The following SGCG variants were observed in gnomAD, a reference collection of about 807,000 sequenced individuals.
SGCG encodes gamma-sarcoglycan.
Under a neutral mutation model 29.3 loss-of-function variants are expected in SGCG, and 26 were observed. That is an observed-to-expected ratio of 0.89 (90% CI 0.65 to 1.23). SGCG has a LOEUF of 1.23. Ranked by LOEUF, SGCG falls within the 50% of genes most tolerant of loss-of-function variation. The probability of loss-of-function intolerance (pLI) is 0.00; values close to 1 mark genes in which losing one functional copy is unlikely to be tolerated. For missense variants in SGCG, 353 were observed against 356.0 expected (o/e 0.99, Z 0.07); for synonymous variants, 145 against 129.7 (o/e 1.12, Z -0.80).
intron 6 of SGCG, among the ~76,000 whole-genome samples, chr13:23,296,761 A>T (rs543067342): frequency 2.0e-5 from 3 of 152,160 alleles, no homozygotes; most frequent in Admixed American, 6.5e-5. Flanking sequence ...TACCCTGAAT[A>T]TATAAAAATC....
In SGCG at chr13:23,198,952, C is replaced by T. The variant is rs568893779; in HGVS notation, c.1-4743C>T. ...TGAAACCCCGTCTCTACTAAAAATACAAAAAATTAGCGGGGCGTGGTGGCG... is the reference window on the plus strand; with the variant it reads ...TGAAACCCCGTCTCTACTAAAAATATAAAAAATTAGCGGGGCGTGGTGGCG... On this transcript the variant is annotated intron_variant, in intron 1 of 7. Transcript: ENST00000218867. 1.7e-3 allele frequency among the ~76,000 whole-genome samples: 248 copies of T among 148,294 alleles called. 1 individual carries two copies. Among genetic ancestry groups the T allele is most frequent in the African/African-American group, 6.0e-3 (239 of 40,092 alleles).
At chr13:23,175,684 T>C in the SGCG span, among the ~76,000 whole-genome samples, 1 of 152,172 alleles carries the variant, frequency 6.6e-6, no homozygotes, top group Admixed American at 6.5e-5. Flanking sequence ...CATATGAATT[T>C]CTCCCCTCTA....
At chr13:23,194,455 T>A (rs1185857228) in intron 1 of SGCG, among the ~76,000 whole-genome samples, 1 of 152,098 alleles carries the variant, frequency 6.6e-6, no homozygotes, top group Non-Finnish European at 1.5e-5. Context: ...TCTCAAATGA[T>A]GTTGTTAGGA....
At chr13:23,224,471 A>G in intron 2 of SGCG, among the ~76,000 whole-genome samples, 1 of 152,194 alleles carries the variant, frequency 6.6e-6, no homozygotes, top group East Asian at 1.9e-4. Context: ...CTAGACACGC[A>G]TAATACAGAG....
At chr13:23,224,697 G>A (rs970742612) in intron 2 of SGCG, among the ~76,000 whole-genome samples, 3 of 89,356 alleles carry the variant, frequency 3.4e-5, no homozygotes, top group African/African-American at 1.3e-4. Context: ...ACCAGTGCAA[G>A]CACTGCTAAC....
intron 1 of SGCG, among the ~76,000 whole-genome samples, chr13:23,186,238 G>C (rs1876966749): frequency 6.6e-6 from 1 of 152,174 alleles, no homozygotes; most frequent in Admixed American, 6.5e-5. Flanking sequence ...TGCACTTGTG[G>C]TTCACACATG....
intron 1 of SGCG, among the ~76,000 whole-genome samples, chr13:23,182,948 G>C (rs2137466405): frequency 6.6e-6 from 1 of 152,294 alleles, no homozygotes; most frequent in Non-Finnish European, 1.5e-5. Context: ...CGGCAGTGAA[G>C]AGTACCTTAA....
intron 2 of SGCG, among the ~76,000 whole-genome samples, chr13:23,231,020 C>CT (rs1264473394): frequency 6.6e-6 from 1 of 152,132 alleles, no homozygotes; most frequent in Non-Finnish European, 1.5e-5. Flanking sequence ...TATTGAAAGC[C>CT]TTTTCTACAT....
intron 6 of SGCG, among the ~76,000 whole-genome samples, chr13:23,309,734 A>C (rs754475408): frequency 1.2e-4 from 18 of 152,176 alleles, no homozygotes; most frequent in Non-Finnish European, 2.4e-4. Flanking sequence ...AGTGTGTGTA[A>C]GAGCAATCAA....
intron 2 of SGCG, among the ~76,000 whole-genome samples, chr13:23,231,631 T>A (rs775317143): frequency 8.5e-5 from 13 of 152,218 alleles, no homozygotes; most frequent in Non-Finnish European, 1.2e-4. Context: ...TTAATGGAAA[T>A]GTTTGCTTTA....
At chr13:23,236,541 G>A (rs191481163) in intron 3 of SGCG, among the ~76,000 whole-genome samples, 1,923 of 152,140 alleles carry the variant, frequency 0.013, 40 homozygotes, top group African/African-American at 0.043. Context: ...AGCCGGGCGT[G>A]GTGGCGGGCG....
intron 1 of SGCG, among the ~76,000 whole-genome samples, chr13:23,199,232 A>T (rs9578553): frequency 0.23 from 34,379 of 152,222 alleles, 4,186 homozygotes; most frequent in East Asian, 0.35. Flanking sequence ...AATTTTGTTC[A>T]TGATACATTA....
intron 7 of SGCG, among the ~76,000 whole-genome samples, chr13:23,322,756 C>CCCA (rs1883087208): frequency 7.6e-4 from 15 of 19,714 alleles, no homozygotes; most frequent in Non-Finnish European, 2.8e-3. Flanking sequence ...ACAGACCGCC[C>CCCA]CCCACCCATC....
At chr13:23,262,639 G>A (rs1373009195) in intron 4 of SGCG, among the ~76,000 whole-genome samples, 1 of 151,926 alleles carries the variant, frequency 6.6e-6, no homozygotes, top group South Asian at 2.1e-4. Flanking sequence ...GACTTAAACT[G>A]TACTCTAGAA....
chr13:23,241,634 C>A (rs1412936068), intron 3 of SGCG, among the ~76,000 whole-genome samples: 1 of 152,106 alleles, frequency 6.6e-6, no homozygotes, highest in East Asian at 1.9e-4. Context: ...ACCAGCATAG[C>A]CATGATATCA....
chr13:23,241,148 CAA>C (rs150540516), intron 3 of SGCG, among the ~76,000 whole-genome samples: 4 of 95,594 alleles, frequency 4.2e-5, no homozygotes, highest in African/African-American at 8.5e-5. Context: ...GACTCCATCT[CAA>C]AAAAAAAAAA....
At chr13:23,283,305 A>G (rs9578570) in intron 5 of SGCG, among the ~76,000 whole-genome samples, 8 of 151,924 alleles carry the variant, frequency 5.3e-5, no homozygotes, top group African/African-American at 1.9e-4. Flanking sequence ...GTGCTCCTGT[A>G]TTGGGTGCAT....
At chr13:23,183,215 C>A (rs759963461) in intron 1 of SGCG, among the ~76,000 whole-genome samples, 2 of 152,128 alleles carry the variant, frequency 1.3e-5, no homozygotes, top group African/African-American at 2.4e-5. Flanking sequence ...CTATATAAGG[C>A]AATTAGAAAG....
rs528881855 is a variant in SGCG at position 23,315,239 on chromosome 13, G to A, written c.579-5398G>A. 3.3e-5 allele frequency among the ~76,000 whole-genome samples: 5 copies of A among 152,294 alleles called. No homozygotes were observed. In the South Asian group the frequency reaches 8.3e-4, roughly 25 times the overall value. On this transcript the variant is annotated intron_variant, in intron 6 of 7. Transcript: ENST00000218867. ...TGGTGGAAACTGGAAGTTTGACTGT[G>A]GGTCATCAAGTCACCATGTGACCTG... is the stretch of plus-strand genomic sequence containing the variant.
Sources: allele counts gnomAD v4.1 joint callset (sites outside exome capture counted in the v4.1 genomes callset), GRCh38; gene constraint gnomAD v4.1.1; transcripts MANE v1.5; gene names NCBI Gene and HGNC (gene_info 2026-07-23, HGNC 2026-07-21).